The following PXDNL variants were observed in gnomAD, a reference collection of about 807,000 sequenced individuals.
PXDNL encodes the protein peroxidasin like, also known as probable oxidoreductase PXDNL.
A neutral mutation model predicts 150.8 loss-of-function variants in PXDNL; 145 were observed. The ratio of observed to expected loss-of-function variants is 0.96; its 90% CI spans 0.84 to 1.10. The LOEUF (loss-of-function observed/expected upper bound fraction) is 1.10. PXDNL is among the 50% of genes least tolerant of loss of function. The probability of loss-of-function intolerance (pLI) is 0.00; values close to 1 mark genes in which losing one functional copy is unlikely to be tolerated. For synonymous variants in PXDNL, 757 were observed against 725.7 expected, an observed-to-expected ratio of 1.04 and a Z score of -0.69; for missense variants, 2,087 against 1,873.9, an observed-to-expected ratio of 1.11 and a Z score of -2.10.
intron 1 of PXDNL, among the ~76,000 whole-genome samples, chr8:51,684,053 A>C (rs1229232867): frequency 6.6e-6 from 1 of 152,256 alleles, no homozygotes; most frequent in Non-Finnish European, 1.5e-5. Context: ...AATCACTACA[A>C]TATGACACCA....
chr8:51,779,692 T>C (rs2037391618), intron 1 of PXDNL, among the ~76,000 whole-genome samples: 1 of 152,236 alleles, frequency 6.6e-6, no homozygotes, highest in Admixed American at 6.5e-5. Flanking sequence ...GCTCTGACAA[T>C]TGTGCATGTT....
chr8:51,330,002 T>C (rs575408636), intron 21 of PXDNL, among the ~76,000 whole-genome samples: 4 of 152,286 alleles, frequency 2.6e-5, no homozygotes, highest in African/African-American at 9.6e-5. Flanking sequence ...CCAGGAGTGC[T>C]GAGGGCAGGA....
intron 1 of PXDNL, among the ~76,000 whole-genome samples, chr8:51,806,514 C>T (rs11784368): frequency 6.6e-6 from 1 of 152,054 alleles, no homozygotes; most frequent in Admixed American, 6.5e-5. Flanking sequence ...AAATGCAATC[C>T]TACATCAAGG....
chr8:51,644,929 G>C (rs1219890381), intron 2 of PXDNL, among the ~76,000 whole-genome samples: 1 of 151,834 alleles, frequency 6.6e-6, no homozygotes, highest in Non-Finnish European at 1.5e-5. Flanking sequence ...AATCAGTCAG[G>C]GTTCTCCAGA....
chr8:51,527,127 C>A (rs1310375284), intron 4 of PXDNL, among the ~76,000 whole-genome samples: 1 of 152,182 alleles, frequency 6.6e-6, no homozygotes, highest in African/African-American at 2.4e-5. Context: ...CAGCCTATTT[C>A]TTGAAGAGTT....
rs1810976293 is a variant in PXDNL at position 51,494,096 on chromosome 8, A to G, written c.452+5603T>C. On this transcript the variant is annotated intron_variant, in intron 5 of 22. Transcript: ENST00000356297. ...CAGCGGATCTCTCAGCAGAAACTCT[A>G]CAAGCCAGAAGAGAGTGGGGGCCAA... Among the ~76,000 whole-genome samples, 3 of 152,218 alleles carry G rather than the reference A, an allele frequency of 2.0e-5. No individual in the cohort carries two copies. The South Asian group carries it at 6.2e-4, about 32-fold the overall frequency.
At chr8:51,619,866 T>A (rs996235214) in intron 2 of PXDNL, among the ~76,000 whole-genome samples, 3 of 152,232 alleles carry the variant, frequency 2.0e-5, no homozygotes, top group Non-Finnish European at 4.4e-5. Context: ...ACCCTTTTCA[T>A]CCAATCAGAT....
intron 8 of PXDNL, among the ~76,000 whole-genome samples, chr8:51,471,543 A>G (rs1408933993): frequency 6.6e-6 from 1 of 152,220 alleles, no homozygotes; most frequent in Non-Finnish European, 1.5e-5. Context: ...AATCTGAAAC[A>G]ACTTAGATGT....
chr8:51,411,067 AT>A (rs1258876264), intron 16 of PXDNL, among the ~76,000 whole-genome samples, 182 bp downstream of exon 16: 7 of 152,228 alleles, frequency 4.6e-5, no homozygotes, highest in Admixed American at 4.6e-4. Flanking sequence ...TATATTTATC[AT>A]CCTTACTTTG....
intron 18 of PXDNL, 134 bp downstream of exon 18, chr8:51,374,463 C>A: frequency 1.3e-6 from 1 of 787,078 alleles, no homozygotes; most frequent in South Asian, 2.1e-5. Flanking sequence ...GTTCTGTCAC[C>A]TAATGCTATC....
chr8:51,687,804 A>AG (rs1285995363), intron 1 of PXDNL, among the ~76,000 whole-genome samples: 3 of 152,234 alleles, frequency 2.0e-5, no homozygotes, highest in Non-Finnish European at 2.9e-5. Context: ...ATTCCATGGG[A>AG]GTGGAGGGAA....
intron 1 of PXDNL, among the ~76,000 whole-genome samples, chr8:51,762,266 A>G (rs1477926140): frequency 1.3e-5 from 2 of 152,188 alleles, no homozygotes; most frequent in African/African-American, 2.4e-5. Flanking sequence ...AAAAATATTT[A>G]ACCCCAAAAT....
At chr8:51,361,608 T>C (rs1476243936) in intron 19 of PXDNL, among the ~76,000 whole-genome samples, 2 of 152,150 alleles carry the variant, frequency 1.3e-5, no homozygotes, top group African/African-American at 2.4e-5. Flanking sequence ...AAAGGTAATT[T>C]AAAATTAGAA....
chr8:51,673,700 A>G (rs903581412), intron 1 of PXDNL, among the ~76,000 whole-genome samples: 1 of 152,192 alleles, frequency 6.6e-6, no homozygotes, highest in Non-Finnish European at 1.5e-5. Flanking sequence ...AATGCAAAGA[A>G]TCTATAATCC....
chr8:51,372,574 G>A (rs957851086), intron 18 of PXDNL, among the ~76,000 whole-genome samples: 5 of 152,020 alleles, frequency 3.3e-5, no homozygotes, highest in Admixed American at 1.3e-4. Flanking sequence ...TACTAGAGAC[G>A]GGGATTCGCC....
chr8:51,381,802 G>A (rs868650299), intron 17 of PXDNL, among the ~76,000 whole-genome samples: 10 of 150,650 alleles, frequency 6.6e-5, no homozygotes, highest in South Asian at 2.1e-4. Context: ...ATAGGCACCC[G>A]TCCCCACGCC....
At chr8:51,530,054 C>T (rs1002128486) in intron 4 of PXDNL, among the ~76,000 whole-genome samples, 3 of 152,150 alleles carry the variant, frequency 2.0e-5, no homozygotes, top group Non-Finnish European at 2.9e-5. Flanking sequence ...CTTTGGAGTT[C>T]TTGTGGATAT....
intron 5 of PXDNL, among the ~76,000 whole-genome samples, chr8:51,485,632 G>A (rs1209600184): frequency 6.6e-6 from 1 of 152,086 alleles, no homozygotes; most frequent in East Asian, 1.9e-4. Context: ...TGTTTCCTCT[G>A]AGTAATTTTC....
chr8:51,508,583 C>T (rs1017682011), intron 4 of PXDNL, among the ~76,000 whole-genome samples: 1 of 152,198 alleles, frequency 6.6e-6, no homozygotes, highest in Non-Finnish European at 1.5e-5. Context: ...TTTCCCCAGC[C>T]TCCTGGACTG....
Sources: allele counts gnomAD v4.1 joint callset (sites outside exome capture counted in the v4.1 genomes callset), GRCh38; gene constraint gnomAD v4.1.1; transcripts MANE v1.5; gene names NCBI Gene and HGNC (gene_info 2026-07-23, HGNC 2026-07-21).